The following CACNA2D3 variants were observed in gnomAD, a reference collection of about 807,000 sequenced individuals.
CACNA2D3 encodes the protein voltage-dependent calcium channel subunit alpha-2/delta-3.
A neutral mutation model predicts 160.6 loss-of-function variants in CACNA2D3; 60 were observed. The observed-to-expected ratio is 0.37, with a 90% CI of 0.30 to 0.46. CACNA2D3 has a LOEUF of 0.46. CACNA2D3 is among the 20% of genes least tolerant of loss of function. CACNA2D3 has a pLI of 1.00. For synonymous variants in CACNA2D3, 558 were observed against 492.9 expected (o/e 1.13, Z -1.75); for missense variants, 1,205 against 1,365.0 (o/e 0.88, Z 1.85).
chr3:54,621,698 A>G (rs1268728083), intron 9 of CACNA2D3, among the ~76,000 whole-genome samples: 1 of 152,122 alleles, frequency 6.6e-6, no homozygotes, highest in African/African-American at 2.4e-5. Context: ...TGTGCCCTTG[A>G]GGCACTCGGG....
intron 9 of CACNA2D3, among the ~76,000 whole-genome samples, chr3:54,609,145 T>G (rs1698695314): frequency 6.6e-6 from 1 of 152,100 alleles, no homozygotes; most frequent in Non-Finnish European, 1.5e-5. Context: ...TGTGAGCCAA[T>G]ATGGTAGCTG....
At chr3:54,804,700 C>A (rs1182882231) in intron 13 of CACNA2D3, among the ~76,000 whole-genome samples, 1 of 152,146 alleles carries the variant, frequency 6.6e-6, no homozygotes, top group Non-Finnish European at 1.5e-5. Context: ...ACCAAGCGGA[C>A]CTAATAGATA....
At position 54,883,822 on chromosome 3, in the gene CACNA2D3, TC is replaced by T. The variant is rs112768823; in HGVS notation, c.1913-1457del. 4.1e-3 allele frequency among the ~76,000 whole-genome samples: 500 copies of T among 123,244 alleles called. 4 individuals carry two copies. Among genetic ancestry groups the T allele is most frequent in the South Asian group, 0.021 (82 of 3,910 alleles). The allele number at this position is 123,244 out of a possible 152,430, so 80.9% of individuals were successfully genotyped here. On this transcript the variant is annotated intron_variant, in intron 21 of 37. Transcript: ENST00000474759. ...GAATCTCTCTCTCTCTCTCTCTCTC[TC>T]CTCTCTCTCCCTTCAACCCTCCTTA... is the stretch of plus-strand genomic sequence containing the variant.
At chr3:54,205,337 C>T (rs1027127318) in intron 2 of CACNA2D3, among the ~76,000 whole-genome samples, 4 of 152,130 alleles carry the variant, frequency 2.6e-5, no homozygotes, top group African/African-American at 7.2e-5. Flanking sequence ...AGGTGATCCA[C>T]CCGCCTTGGC....
intron 5 of CACNA2D3, among the ~76,000 whole-genome samples, chr3:54,533,794 AGTGTGTGT>A (rs61234075): frequency 0.37 from 55,595 of 149,650 alleles, 10,887 homozygotes; most frequent in African/African-American, 0.53. Context: ...AATGGAAAAT[AGTGTGTGT>A]GTGTGTGTGT....
At chr3:54,613,021 C>T (rs1316638618) in intron 9 of CACNA2D3, among the ~76,000 whole-genome samples, 1 of 152,166 alleles carries the variant, frequency 6.6e-6, no homozygotes, top group African/African-American at 2.4e-5. Flanking sequence ...AGCATCCTGG[C>T]CACATTCACA....
chr3:55,009,513 C>A, intron 34 of CACNA2D3, 70 bp downstream of exon 34: 3 of 1,370,906 alleles, frequency 2.2e-6, no homozygotes, highest in East Asian at 2.3e-5. Flanking sequence ...TACTTTTCAT[C>A]AGGGATGTGC....
intron 13 of CACNA2D3, among the ~76,000 whole-genome samples, chr3:54,772,525 G>T (rs934513542): frequency 6.6e-6 from 1 of 151,910 alleles, no homozygotes; most frequent in African/African-American, 2.4e-5. Flanking sequence ...TCCTTTCAGG[G>T]CCCATTCTCC....
chr3:54,552,646 C>G (rs367664738), intron 5 of CACNA2D3, among the ~76,000 whole-genome samples: 1 of 152,116 alleles, frequency 6.6e-6, no homozygotes, highest in African/African-American at 2.4e-5. Flanking sequence ...AAGGGCCACA[C>G]ATAGTGTGTG....
At chr3:54,631,030 C>T (rs957832276) in intron 10 of CACNA2D3, among the ~76,000 whole-genome samples, 1 of 152,016 alleles carries the variant, frequency 6.6e-6, no homozygotes, top group Non-Finnish European at 1.5e-5. Context: ...GGTGAAATCC[C>T]GTCTCTACTA....
At chr3:54,413,428 A>C (rs182159608) in intron 4 of CACNA2D3, among the ~76,000 whole-genome samples, 29 of 147,804 alleles carry the variant, frequency 2.0e-4, no homozygotes, top group East Asian at 1.4e-3. Flanking sequence ...AGATATCTAT[A>C]TATATATATA....
At chr3:54,662,050 C>G (rs1338292991) in intron 11 of CACNA2D3, among the ~76,000 whole-genome samples, 1 of 152,072 alleles carries the variant, frequency 6.6e-6, no homozygotes, top group Non-Finnish European at 1.5e-5. Flanking sequence ...TGTATTAACT[C>G]TATGCATCAT....
At chr3:55,058,699 C>T in intron 35 of CACNA2D3, among the ~76,000 whole-genome samples, 1 of 151,576 alleles carries the variant, frequency 6.6e-6, no homozygotes, top group Non-Finnish European at 1.5e-5. Flanking sequence ...CTATTCATTG[C>T]AGAAAATTGA....
intron 4 of CACNA2D3, among the ~76,000 whole-genome samples, chr3:54,460,661 T>C (rs1052986952): frequency 1.3e-5 from 2 of 152,196 alleles, no homozygotes; most frequent in Middle Eastern, 3.2e-3. Context: ...CTTATCAGCT[T>C]AAGGAGATTT....
At chr3:54,269,588 C>T (rs1269993914) in intron 2 of CACNA2D3, among the ~76,000 whole-genome samples, 1 of 152,130 alleles carries the variant, frequency 6.6e-6, no homozygotes, top group Admixed American at 6.6e-5. Context: ...TACCAACCAC[C>T]ATCACTGTGT....
chr3:54,580,384 G>A (rs554290371), intron 8 of CACNA2D3, among the ~76,000 whole-genome samples: 6 of 152,074 alleles, frequency 3.9e-5, no homozygotes, highest in South Asian at 2.1e-4. Flanking sequence ...CTGTCCCTGC[G>A]GTGTATCCAG....
At chr3:54,493,477 C>G (rs7373932) in intron 4 of CACNA2D3, among the ~76,000 whole-genome samples, 60,079 of 151,932 alleles carry the variant, frequency 0.4, 12,371 homozygotes, top group Middle Eastern at 0.5. Context: ...AGGACCTTCT[C>G]TGCCCTGGCC....
At chr3:54,673,520 T>A (rs2106901874) in intron 11 of CACNA2D3, among the ~76,000 whole-genome samples, 1 of 152,344 alleles carries the variant, frequency 6.6e-6, no homozygotes, top group East Asian at 1.9e-4. Flanking sequence ...TCCATTTTTC[T>A]CTCCAAATTA....
At chr3:54,235,534 G>A (rs994617583) in intron 2 of CACNA2D3, among the ~76,000 whole-genome samples, 2 of 152,074 alleles carry the variant, frequency 1.3e-5, no homozygotes, top group African/African-American at 2.4e-5. Flanking sequence ...AGCACCAAGG[G>A]GATGGTACTA....
Sources: gnomAD v4.1 joint callset for allele counts (sites outside exome capture counted in the v4.1 genomes callset) on GRCh38, gnomAD v4.1.1 for gene constraint, MANE v1.5 for transcripts, NCBI Gene and HGNC (gene_info 2026-07-23, HGNC 2026-07-21) for gene names.